Variants in PCDH9 observed in about 807,000 individuals in gnomAD.
PCDH9 encodes protocadherin-9.
Under a neutral mutation model 70.6 loss-of-function variants are expected in PCDH9, and 24 were observed. The observed-to-expected ratio is 0.34, with a 90% CI of 0.25 to 0.48. The LOEUF (loss-of-function observed/expected upper bound fraction) is 0.48, where lower values mean the gene tolerates loss of function less well. Among genes scored for constraint, PCDH9 ranks in the 20% least tolerant of loss-of-function variants. The pLI is 0.99. For missense variants in PCDH9, 1,281 were observed against 1,503.6 expected, an observed-to-expected ratio of 0.85 and a Z score of 2.45; for synonymous variants, 562 against 558.5, an observed-to-expected ratio of 1.01 and a Z score of -0.09.
chr13:66,660,942 TTAG>T (rs1413728350), intron 3 of PCDH9, among the ~76,000 whole-genome samples: 5 of 152,098 alleles, frequency 3.3e-5, no homozygotes, highest in African/African-American at 9.7e-5. Context: ...CAATATGCTA[TTAG>T]TAGTACATTA....
At chr13:66,435,370 A>G (rs73510014) in intron 4 of PCDH9, among the ~76,000 whole-genome samples, 12,058 of 152,228 alleles carry the variant, frequency 0.079, 569 homozygotes, top group Middle Eastern at 0.12. Flanking sequence ...TATCTAGAGC[A>G]TATAAATTAG....
At chr13:67,148,823 C>T (rs2138379567) in intron 2 of PCDH9, among the ~76,000 whole-genome samples, 1 of 152,286 alleles carries the variant, frequency 6.6e-6, no homozygotes, top group South Asian at 2.1e-4. Flanking sequence ...CCACTGAAAA[C>T]TGTCCCAGGA....
At chr13:66,340,652 TTA>T (rs551584471) in intron 4 of PCDH9, among the ~76,000 whole-genome samples, 92 of 152,336 alleles carry the variant, frequency 6.0e-4, no homozygotes, top group African/African-American at 2.1e-3. Context: ...AGCTTTCTGT[TTA>T]AGTTATTTCC....
At chr13:66,610,520 C>T (rs2077281151) in intron 4 of PCDH9, among the ~76,000 whole-genome samples, 1 of 152,098 alleles carries the variant, frequency 6.6e-6, no homozygotes. Flanking sequence ...TTTCTCTTTC[C>T]TCTTTATTAT....
intron 3 of PCDH9, among the ~76,000 whole-genome samples, chr13:66,835,224 G>A (rs532458582): frequency 2.0e-4 from 30 of 152,324 alleles, no homozygotes; most frequent in Middle Eastern, 3.4e-3. Flanking sequence ...GCCTCTTGGA[G>A]CATATAAAGC....
chr13:67,159,927 A>G (rs113288227), intron 2 of PCDH9, among the ~76,000 whole-genome samples: 2,032 of 152,058 alleles, frequency 0.013, 22 homozygotes, highest in Middle Eastern at 0.021. Flanking sequence ...ATTTTTTTGC[A>G]TAGTCGCTGA....
At chr13:66,831,517 T>G (rs1397896169) in intron 3 of PCDH9, among the ~76,000 whole-genome samples, 1 of 152,170 alleles carries the variant, frequency 6.6e-6, no homozygotes, top group African/African-American at 2.4e-5. Flanking sequence ...GTCAGGAAGA[T>G]GACACCGACA....
chr13:67,211,102 G>A (rs2089459131), intron 2 of PCDH9: 1 of 151,912 alleles, frequency 6.6e-6, no homozygotes, highest in Non-Finnish European at 1.5e-5. Context: ...GTATTAAGAA[G>A]TGATTTACAT....
rs141731755 is a variant in PCDH9 at position 66,348,923 on chromosome 13, C to G, written c.3341-43895G>C. Among the ~76,000 whole-genome samples, 6 of 152,222 alleles carry G rather than the reference C, an allele frequency of 3.9e-5. No homozygotes were observed. In the East Asian group the frequency reaches 1.2e-3, roughly 29 times the overall value. On this transcript the variant is annotated intron_variant, in intron 4 of 4. Coordinates refer to ENST00000377865, the MANE Select transcript of PCDH9 (RefSeq NM_203487.3). ...ATCACACTTGTAACCTTTCCCTTCC[C>G]TTGTGTCGTGGGAATTTTAGCCTAG... is the stretch of plus-strand genomic sequence containing the variant.
chr13:67,133,996 A>G (rs1384538129), intron 2 of PCDH9, among the ~76,000 whole-genome samples: 1 of 152,014 alleles, frequency 6.6e-6, no homozygotes, highest in African/African-American at 2.4e-5. Context: ...GATGACTCTC[A>G]CTCTTAATTC....
chr13:66,485,455 T>C (rs1958920567), intron 4 of PCDH9, among the ~76,000 whole-genome samples: 1 of 152,226 alleles, frequency 6.6e-6, no homozygotes, highest in South Asian at 2.1e-4. Flanking sequence ...ATTTCATGTA[T>C]ATACCTACAT....
intron 4 of PCDH9, among the ~76,000 whole-genome samples, chr13:66,338,599 T>C (rs1362826774): frequency 1.3e-5 from 2 of 152,012 alleles, no homozygotes; most frequent in Non-Finnish European, 2.9e-5. Flanking sequence ...AGATGAACCC[T>C]TTCTCTTCTC....
intron 3 of PCDH9, among the ~76,000 whole-genome samples, chr13:66,787,504 T>C (rs910350451): frequency 1.3e-5 from 2 of 151,670 alleles, no homozygotes; most frequent in Admixed American, 6.6e-5. Flanking sequence ...TAATCCCAGC[T>C]ACTAGGGAGG....
In PCDH9 at chr13:66,593,677, T is replaced by A. The variant is rs188982253; in HGVS notation, c.3340+37533A>T. On this transcript the variant is annotated intron_variant, in intron 4 of 4. Transcript: ENST00000377865. ...TTAGTTAATAGTCTAATTACAAATATCTGTGGAAAACATTCTTTTTGAAGC... is the reference window on the plus strand; with the variant it reads ...TTAGTTAATAGTCTAATTACAAATAACTGTGGAAAACATTCTTTTTGAAGC... 7.2e-5 allele frequency among the ~76,000 whole-genome samples: 11 copies of A among 151,882 alleles called. 1 individual carries two copies. The South Asian group carries it at 1.0e-3, about 14-fold the overall frequency.
At chr13:67,142,512 A>G (rs967736965) in intron 2 of PCDH9, among the ~76,000 whole-genome samples, 2 of 152,086 alleles carry the variant, frequency 1.3e-5, no homozygotes, top group African/African-American at 2.4e-5. Flanking sequence ...TTAGTTCACT[A>G]CTCTCCTCCT....
At chr13:66,852,218 T>C (rs1314728599) in intron 3 of PCDH9, among the ~76,000 whole-genome samples, 1 of 152,094 alleles carries the variant, frequency 6.6e-6, no homozygotes, top group Non-Finnish European at 1.5e-5. Flanking sequence ...ACTATTATAA[T>C]ATTGATGATG....
At chr13:66,826,216 G>A (rs1265896104) in intron 3 of PCDH9, among the ~76,000 whole-genome samples, 1 of 152,110 alleles carries the variant, frequency 6.6e-6, no homozygotes, top group African/African-American at 2.4e-5. Context: ...GTCATGGAAT[G>A]GATTCCAAAA....
chr13:67,108,373 T>C (rs2086589728), intron 2 of PCDH9, among the ~76,000 whole-genome samples: 1 of 152,160 alleles, frequency 6.6e-6, no homozygotes, highest in African/African-American at 2.4e-5. Context: ...AAGTAACTGA[T>C]AACATAGTGA....
chr13:66,788,994 T>TA (rs911255183), intron 3 of PCDH9, among the ~76,000 whole-genome samples: 2 of 152,042 alleles, frequency 1.3e-5, no homozygotes, highest in African/African-American at 4.8e-5. Context: ...CCACTGGATT[T>TA]AAAAAATCTG....
Sources: allele counts gnomAD v4.1 joint callset (sites outside exome capture counted in the v4.1 genomes callset), GRCh38; gene constraint gnomAD v4.1.1; transcripts MANE v1.5; gene names NCBI Gene and HGNC (gene_info 2026-07-23, HGNC 2026-07-21).